Variants in ZYX observed in about 807,000 individuals in gnomAD.
ZYX encodes the protein zyxin.
A neutral mutation model predicts 58.1 loss-of-function variants in ZYX; 37 were observed. The ratio of observed to expected loss-of-function variants is 0.64; its 90% CI spans 0.49 to 0.84. ZYX has a LOEUF of 0.84. ZYX is among the 40% of genes least tolerant of loss of function. The pLI is 0.00. For missense variants in ZYX, 762 were observed against 761.6 expected, an observed-to-expected ratio of 1.00 and a Z score of -0.01; for synonymous variants, 324 against 321.1, an observed-to-expected ratio of 1.01 and a Z score of -0.10.
intron 5 of ZYX, among the ~76,000 whole-genome samples, chr7:143,386,488 G>A (rs1159337099): frequency 6.6e-6 from 1 of 152,088 alleles, no homozygotes; most frequent in African/African-American, 2.4e-5. Flanking sequence ...TCGCGCGGGT[G>A]CTGCAGTGTT....
chr7:143,382,179 G>A lies in ZYX; in HGVS notation c.209-69G>A, dbSNP rs1804635004. 2.2e-6 allele frequency: 3 copies of A among 1,361,422 alleles called. No individual in the cohort carries two copies. In the South Asian group the frequency reaches 3.7e-5, roughly 17 times the overall value. 84.3% of individuals were successfully genotyped at this position (1,361,422 alleles called of 1,614,324 possible). ...AGTTCTTGGGTTAGGGGTTAGAGCG[G>A]TTAACTGAGGGGAGCTTGGGTGAGG... On this transcript the variant is annotated intron_variant, in intron 2 of 9. Coordinates refer to ENST00000322764, the MANE Select transcript of ZYX (RefSeq NM_003461.5).
chr7:143,389,876 TC>T lies in ZYX; in HGVS notation c.1515del (p.Val506SerfsTer27). The T allele has an allele frequency of 6.2e-7, 1 of 1,614,130 alleles. No homozygotes were observed. Among genetic ancestry groups the T allele is most frequent in the Non-Finnish European group, 8.5e-7 (1 of 1,179,996 alleles). On this transcript the variant is annotated frameshift_variant, in exon 9 of 10. Transcript: ENST00000322764. LOFTEE classifies it high-confidence loss of function. This position sits in a 1 kb window ranked among gnomAD's most constrained non-coding sequence, Gnocchi z 5.6. ...DYHKQYAPRC[S>X]VCSEPIMPEP... Reference sequence around the variant, plus strand: ...TTCCAGGCAGTACGCCCCGAGGTGCTCCGTCTGCTCTGAGCCCATCATGCCT... The same window carrying T: ...TTCCAGGCAGTACGCCCCGAGGTGCTCGTCTGCTCTGAGCCCATCATGCCT...
Position 143,391,051 on chromosome 7 carries a change from TC to T in ZYX, c.*374del. The T allele has an allele frequency of 3.3e-6, 1 of 306,066 alleles. No individual in the cohort carries two copies. Among genetic ancestry groups the T allele is most frequent in the Non-Finnish European group, 6.1e-6 (1 of 162,688 alleles). The allele number at this position is 306,066 out of a possible 1,614,324, so 19.0% of individuals were successfully genotyped here. A position where few individuals can be genotyped will look rare whatever the true frequency, so the allele number is the denominator to read the frequency against. On this transcript the variant is annotated 3_prime_UTR_variant, in exon 10 of 10. Coordinates refer to ENST00000322764, the MANE Select transcript of ZYX (RefSeq NM_003461.5). ...GAGACCCTCCAGGACATTCCCACCCTCCCCCATGCTGCCAAGTTGTAGCTAT... is the reference window on the plus strand; with the variant it reads ...GAGACCCTCCAGGACATTCCCACCCTCCCCATGCTGCCAAGTTGTAGCTAT...
At position 143,387,796 on chromosome 7, in the gene ZYX, G is replaced by A. The variant is rs1484369132; in HGVS notation, c.1024-423G>A. The A allele has an allele frequency of 6.3e-6, 3 of 474,108 alleles. No homozygotes were observed. The highest frequency in any genetic ancestry group is 4.7e-5 in the Admixed American group (2 of 42,668). The allele number at this position is 474,108 out of a possible 1,614,324, so 29.4% of individuals were successfully genotyped here. ...AGCAGCAGGCAGGCCGGGTAGGTGT[G>A]TGTGCGCGTGTGTGCACGCCATTGC... is the stretch of plus-strand genomic sequence containing the variant. On this transcript the variant is annotated intron_variant, in intron 5 of 9. Transcript: ENST00000322764. The surrounding 1 kb of genome is among the most constrained non-coding windows in gnomAD (Gnocchi z 5.8).
chr7:143,388,355 C>T lies in ZYX; in HGVS notation c.1144+16C>T, dbSNP rs77505209. On this transcript the variant is annotated intron_variant, in intron 6 of 9. Transcript: ENST00000322764. The surrounding 1 kb of genome is among the most constrained non-coding windows in gnomAD (Gnocchi z 7.5). The stretch of plus-strand genomic sequence containing the variant: ...GCTGTCAACGGTGAGCCCACCCCAC[C>T]GGGACACCCCCACCCTGCCCCCACA... The T allele has an allele frequency of 9.3e-6, 15 of 1,613,302 alleles. No individual in the cohort carries two copies. Among genetic ancestry groups the T allele is most frequent in the Middle Eastern group, 1.6e-4 (1 of 6,080 alleles).
chr7:143,385,003 G>T (rs1804804186), intron 5 of ZYX, among the ~76,000 whole-genome samples: 5 of 152,164 alleles, frequency 3.3e-5, no homozygotes, highest in African/African-American at 9.7e-5. Flanking sequence ...ACGCTGGAGG[G>T]TCAGGGTCGG....
Position 143,382,934 on chromosome 7 carries a change from T to TTCCGGC in ZYX, c.644_649dup (p.Pro215_Ala216dup), listed in dbSNP as rs1804693334. The TTCCGGC allele has an allele frequency of 1.2e-6, 2 of 1,613,992 alleles. No homozygotes were observed. Among genetic ancestry groups the TTCCGGC allele is most frequent in the South Asian group, 1.1e-5 (1 of 91,064 alleles). On this transcript the variant is annotated inframe_insertion, in exon 5 of 10. Coordinates refer to ENST00000322764, the MANE Select transcript of ZYX (RefSeq NM_003461.5). ...TCCAGCTCCCAGCCTCTGCCCCAGGTTCCGGCTCCGGCTCAGAGCCAGACA... is the reference window on the plus strand; with the variant it reads ...TCCAGCTCCCAGCCTCTGCCCCAGGTTCCGGCTCCGGCTCCGGCTCAGAGCCAGACA...
rs756110512 is a variant in ZYX, at chr7:143,388,572, T to C, written c.1228T>C (p.Phe410Leu). Reference sequence around the variant, plus strand: ...AGGGCAGCTGTTCCACATCGCCTGCTTCACCTGCCACCAGTGTGCGCAGCA... The same window carrying C: ...AGGGCAGCTGTTCCACATCGCCTGCCTCACCTGCCACCAGTGTGCGCAGCA... The part of the protein sequence containing the change: ...ALGQLFHIAC[F>L]TCHQCAQQLQ... Residue 410 changes from phenylalanine (F) to leucine (L), a missense_variant, in exon 7 of 10, where the codon TTC (phenylalanine) becomes CTC (leucine). Transcript: ENST00000322764. This position sits in a 1 kb window ranked among gnomAD's most constrained non-coding sequence, Gnocchi z 7.5. 1 of 1,612,380 alleles carries C rather than the reference T, an allele frequency of 6.2e-7. No individual in the cohort carries two copies. Among genetic ancestry groups the C allele is most frequent in the African/African-American group, 1.3e-5 (1 of 75,054 alleles).
Position 143,390,395 on chromosome 7 carries a change from C to T in ZYX, c.1615-183C>T. 1.6e-6 allele frequency: 1 copy of T among 608,000 alleles called. No individual in the cohort carries two copies. Among genetic ancestry groups the T allele is most frequent in the Admixed American group, 2.7e-5 (1 of 36,514 alleles). 37.7% of individuals were successfully genotyped at this position (608,000 alleles called of 1,614,324 possible). A position where few individuals can be genotyped will look rare whatever the true frequency, so the allele number is the denominator to read the frequency against. ...ACTGCTTGCCCTCTTGCAGGAAGGT[C>T]CTAGTGGGTGACTGGAAGTAGGATA... On this transcript the variant is annotated intron_variant, in intron 9 of 9. Transcript: ENST00000322764. This position sits in a 1 kb window ranked among gnomAD's most constrained non-coding sequence, Gnocchi z 4.3.
At position 143,391,010 on chromosome 7, in the gene ZYX, G is replaced by T; in HGVS notation, c.*328G>T. 2.9e-6 allele frequency: 1 copy of T among 345,548 alleles called. No individual in the cohort carries two copies. The highest frequency in any genetic ancestry group is 5.4e-6 in the Non-Finnish European group (1 of 185,088). The allele number at this position is 345,548 out of a possible 1,614,324, so 21.4% of individuals were successfully genotyped here. A position where few individuals can be genotyped will look rare whatever the true frequency, so the allele number is the denominator to read the frequency against. On this transcript the variant is annotated 3_prime_UTR_variant, in exon 10 of 10. Coordinates refer to ENST00000322764, the MANE Select transcript of ZYX (RefSeq NM_003461.5). Reference sequence around the variant, plus strand: ...GCCCCCCGAGCAGCCTTTGTACTCTGCTTGCGGAGGGCTGGGAGACCCTCC... The same window carrying T: ...GCCCCCCGAGCAGCCTTTGTACTCTTCTTGCGGAGGGCTGGGAGACCCTCC...
intron 5 of ZYX, among the ~76,000 whole-genome samples, chr7:143,385,247 G>A (rs1804811211): frequency 6.6e-6 from 1 of 152,112 alleles, no homozygotes. Context: ...AGGAGAGAGT[G>A]GGTGGTGAGA....
Position 143,382,237 on chromosome 7 carries a change from T to C in ZYX, c.209-11T>C. ...GGACCCCGGCCGACGTCTTTCTCCT[T>C]CCTACCCCAGACTTTCCCCTGCCTC... On this transcript the variant is annotated splice_polypyrimidine_tract_variant and intron_variant, in intron 2 of 9. Transcript: ENST00000322764. The C allele has an allele frequency of 6.2e-7, 1 of 1,611,280 alleles. No individual in the cohort carries two copies. Among genetic ancestry groups the C allele is most frequent in the Non-Finnish European group, 8.5e-7 (1 of 1,178,748 alleles).
chr7:143,384,342 G>T lies in ZYX; in HGVS notation c.1023+1020G>T. The T allele has an allele frequency of 2.2e-6, 1 of 452,642 alleles. No homozygotes were observed. 28.0% of individuals were successfully genotyped at this position (452,642 alleles called of 1,614,324 possible). A position where few individuals can be genotyped will look rare whatever the true frequency, so the allele number is the denominator to read the frequency against. Reference sequence around the variant, plus strand: ...AGGACGTAAGAATCCAGAGAGGAGAGGGATGTTTGGAGAACAGAAAGTGGA... The same window carrying T: ...AGGACGTAAGAATCCAGAGAGGAGATGGATGTTTGGAGAACAGAAAGTGGA... On this transcript the variant is annotated intron_variant, in intron 5 of 9. Transcript: ENST00000322764. The surrounding 1 kb of genome is among the most constrained non-coding windows in gnomAD (Gnocchi z 4.9).
Position 143,390,928 on chromosome 7 carries a change from AG to A in ZYX, c.*252del. 1 of 514,328 alleles carries A rather than the reference AG, an allele frequency of 1.9e-6. No homozygotes were observed. The highest frequency in any genetic ancestry group is 3.4e-5 in the Admixed American group (1 of 29,668). 31.9% of individuals were successfully genotyped at this position (514,328 alleles called of 1,614,324 possible). A position where few individuals can be genotyped will look rare whatever the true frequency, so the allele number is the denominator to read the frequency against. On this transcript the variant is annotated 3_prime_UTR_variant, in exon 10 of 10. Coordinates refer to ENST00000322764, the MANE Select transcript of ZYX (RefSeq NM_003461.5). The surrounding 1 kb of genome is among the most constrained non-coding windows in gnomAD (Gnocchi z 4.3). ...CACCGTCTTCCAGACACCCCACCTG[AG>A]GGGGGCACCAGGTTTAGTGCTGCTG...
Position 143,388,954 on chromosome 7 carries a change from C to T in ZYX, c.1493+9C>T. Reference sequence around the variant, plus strand: ...GTCCCCGACTACCACAAGTGAGGACCTGCCACCTGCCTTCTGGGTTCCCGG... The same window carrying T: ...GTCCCCGACTACCACAAGTGAGGACTTGCCACCTGCCTTCTGGGTTCCCGG... On this transcript the variant is annotated intron_variant, in intron 8 of 9. Transcript: ENST00000322764. This position sits in a 1 kb window ranked among gnomAD's most constrained non-coding sequence, Gnocchi z 7.5. The T allele has an allele frequency of 6.2e-7, 1 of 1,600,492 alleles. No individual in the cohort carries two copies. The highest frequency in any genetic ancestry group is 8.5e-7 in the Non-Finnish European group (1 of 1,172,616).
chr7:143,389,784 A>T lies in ZYX; in HGVS notation c.1494-73A>T. ...GAGAAGTCTGCTTCCTTGCTGCCCA[A>T]CCTGGCTTATGCGTGCGCACACCGG... is the stretch of plus-strand genomic sequence containing the variant. On this transcript the variant is annotated intron_variant, in intron 8 of 9. Transcript: ENST00000322764. This position sits in a 1 kb window ranked among gnomAD's most constrained non-coding sequence, Gnocchi z 5.6. 2 of 1,583,754 alleles carry T rather than the reference A, an allele frequency of 1.3e-6. No homozygotes were observed. The highest frequency in any genetic ancestry group is 2.3e-5 in the South Asian group (2 of 88,750).
chr7:143,386,664 G>A (rs1210459772), intron 5 of ZYX, among the ~76,000 whole-genome samples: 2 of 150,620 alleles, frequency 1.3e-5, no homozygotes, highest in African/African-American at 4.9e-5. Flanking sequence ...GAGTTAGATG[G>A]TCATGGGACC....
At position 143,388,514 on chromosome 7, in the gene ZYX, C is replaced by A. The variant is rs1416044263; in HGVS notation, c.1170C>A (p.Pro390=). 1 of 1,610,248 alleles carries A rather than the reference C, an allele frequency of 6.2e-7. No homozygotes were observed. The highest frequency in any genetic ancestry group is 1.1e-5 in the South Asian group (1 of 91,048). The change falls in exon 7 of 10, where the codon CCC becomes CCA. Residue 390 remains proline, a synonymous_variant. Transcript: ENST00000322764. The surrounding 1 kb of genome is among the most constrained non-coding windows in gnomAD (Gnocchi z 7.5). ...VNELCGRCHQ[P]LARAQPAVRA... The stretch of plus-strand genomic sequence containing the variant: ...AACTCTGCGGCCGATGCCATCAACC[C>A]CTGGCCCGGGCGCAGCCAGCCGTCC...
Position 143,387,781 on chromosome 7 carries a change from A to G in ZYX, c.1024-438A>G, listed in dbSNP as rs955653260. 8.5e-6 allele frequency: 4 copies of G among 472,522 alleles called. No individual in the cohort carries two copies. The highest frequency in any genetic ancestry group is 6.2e-5 in the South Asian group (4 of 64,582). The allele number at this position is 472,522 out of a possible 1,614,324, so 29.3% of individuals were successfully genotyped here. On this transcript the variant is annotated intron_variant, in intron 5 of 9. Coordinates refer to ENST00000322764, the MANE Select transcript of ZYX (RefSeq NM_003461.5). The surrounding 1 kb of genome is among the most constrained non-coding windows in gnomAD (Gnocchi z 5.8). ...TGACAGGGGCTGCTCAGCAGCAGGC[A>G]GGCCGGGTAGGTGTGTGTGCGCGTG...
Sources: allele counts gnomAD v4.1 joint callset (sites outside exome capture counted in the v4.1 genomes callset), GRCh38; gene constraint gnomAD v4.1.1; non-coding constraint Gnocchi (gnomAD v3.1); transcripts MANE v1.5; gene names NCBI Gene and HGNC (gene_info 2026-07-23, HGNC 2026-07-21).